The following TRPM7 variants were observed in gnomAD, a reference collection of about 807,000 sequenced individuals.
TRPM7 encodes transient receptor potential cation channel subfamily M member 7.
Under a neutral mutation model 229.7 loss-of-function variants are expected in TRPM7, and 134 were observed. That is an observed-to-expected ratio of 0.58 (90% CI 0.51 to 0.67). The LOEUF is 0.67. Ranked by LOEUF, TRPM7 falls within the 30% of genes least tolerant of loss-of-function variation. TRPM7 has a pLI of 0.00. For missense variants in TRPM7, 1,901 were observed against 2,210.0 expected (o/e 0.86, Z 2.80); for synonymous variants, 699 against 715.2 (o/e 0.98, Z 0.36).
rs765054880 is a variant in TRPM7, at chr15:50,635,664, CAAAAAAAAAA to C, written c.833-1118_833-1109del. The stretch of plus-strand genomic sequence containing the variant: ...AGCAACAGAGCAAGACTCCATCTCC[CAAAAAAAAAA>C]AAAAAAAAAAAAAAAAAGAGGACGG... On this transcript the variant is annotated intron_variant, in intron 7 of 38. Coordinates refer to ENST00000646667, the MANE Select transcript of TRPM7 (RefSeq NM_017672.6). 4.9e-4 allele frequency among the ~76,000 whole-genome samples: 28 copies of C among 56,580 alleles called. 1 individual carries two copies. The highest frequency in any genetic ancestry group is 1.2e-3 in the African/African-American group (23 of 18,966). 37.1% of individuals were successfully genotyped at this position (56,580 alleles called of 152,430 possible).
At chr15:50,682,996 C>T (rs1596358968) in intron 1 of TRPM7, among the ~76,000 whole-genome samples, 1 of 151,884 alleles carries the variant, frequency 6.6e-6, no homozygotes, top group African/African-American at 2.4e-5. Context: ...CATCCTCCCA[C>T]CTCAGCCTCC....
At chr15:50,573,642 T>C (rs763410819) in intron 36 of TRPM7, among the ~76,000 whole-genome samples, 21 of 152,186 alleles carry the variant, frequency 1.4e-4, no homozygotes, top group Non-Finnish European at 2.8e-4. Context: ...CCAGGAACAA[T>C]AGAGGTATTT....
At chr15:50,581,474 A>C (rs879261541) in intron 29 of TRPM7, among the ~76,000 whole-genome samples, 2 of 151,250 alleles carry the variant, frequency 1.3e-5, no homozygotes, top group Non-Finnish European at 2.9e-5. Context: ...ACTCCAGCCT[A>C]GGCGACAGAG....
chr15:50,681,995 T>C (rs2062248490), intron 1 of TRPM7, among the ~76,000 whole-genome samples: 2 of 151,920 alleles, frequency 1.3e-5, no homozygotes. Flanking sequence ...CTGGCCAACA[T>C]GGGGAAACCC....
At chr15:50,677,881 AT>A (rs1474000916) in intron 1 of TRPM7, among the ~76,000 whole-genome samples, 1 of 152,086 alleles carries the variant, frequency 6.6e-6, no homozygotes, top group African/African-American at 2.4e-5. Flanking sequence ...CGGTAATCAA[AT>A]TAAAAGAAAT....
At chr15:50,627,053 A>C (rs1484277707) in intron 11 of TRPM7, among the ~76,000 whole-genome samples, 1 of 152,166 alleles carries the variant, frequency 6.6e-6, no homozygotes, top group Non-Finnish European at 1.5e-5. Context: ...GTCCTCCGTA[A>C]AGGCTGGTAA....
At chr15:50,663,123 A>G (rs556506052) in intron 1 of TRPM7, 77 bp from the exon 2 acceptor site, 96 of 1,128,350 alleles carry the variant, frequency 8.5e-5, no homozygotes, top group South Asian at 3.1e-4. Flanking sequence ...TGATAAACAC[A>G]TAAACAGTTC....
At position 50,557,954 on chromosome 15, in the gene TRPM7, C is replaced by T. The variant is rs2053191206; in HGVS notation, c.*3724G>A. On this transcript the variant is annotated 3_prime_UTR_variant, in exon 39 of 39. Coordinates refer to ENST00000646667, the MANE Select transcript of TRPM7 (RefSeq NM_017672.6). Reference sequence around the variant, plus strand: ...CCACTGCACCTGGCCGAGAATTCCACATTTTAAGAATATGGTAAAAGAGTT... The same window carrying T: ...CCACTGCACCTGGCCGAGAATTCCATATTTTAAGAATATGGTAAAAGAGTT... 1 of 152,112 alleles carries T rather than the reference C, an allele frequency of 6.6e-6. No homozygotes were observed. The highest frequency in any genetic ancestry group is 2.4e-5 in the African/African-American group (1 of 41,434). 9.4% of individuals were successfully genotyped at this position (152,112 alleles called of 1,614,324 possible).
intron 27 of TRPM7, 124 bp downstream of exon 27, chr15:50,589,468 A>G (rs1399299686): frequency 1.6e-6 from 1 of 633,814 alleles, no homozygotes; most frequent in Non-Finnish European, 2.7e-6. Flanking sequence ...ATTTGGTATC[A>G]GCATGTTAAT....
chr15:50,564,022 G>A (rs2053450081), intron 38 of TRPM7, among the ~76,000 whole-genome samples: 2 of 151,908 alleles, frequency 1.3e-5, no homozygotes, highest in African/African-American at 4.8e-5. Context: ...CACCACACAT[G>A]GCCAATTTTT....
Position 50,592,544 on chromosome 15 carries a change from G to C in TRPM7, c.3691C>G (p.Gln1231Glu). The C allele has an allele frequency of 1.9e-6, 3 of 1,612,786 alleles. No homozygotes were observed. The highest frequency in any genetic ancestry group is 2.5e-6 in the Non-Finnish European group (3 of 1,179,990). ...GAAAGATCTTGCAAATGGCCAATTT[G>C]AGAATCTAATGATTGTAATGATCTT... ...IKRSLQSLDS[Q>E]IGHLQDLSAL... Residue 1231 changes from glutamine (Q) to glutamate (E), a missense_variant, in exon 26 of 39, where the codon CAA becomes GAA. Gln to Glu is a conservative substitution (Grantham distance 29). Coordinates refer to ENST00000646667, the MANE Select transcript of TRPM7 (RefSeq NM_017672.6).
intron 28 of TRPM7, among the ~76,000 whole-genome samples, chr15:50,584,058 T>TA (rs1393455967): frequency 6.6e-6 from 1 of 152,226 alleles, no homozygotes; most frequent in Non-Finnish European, 1.5e-5. Context: ...CAATTTATGA[T>TA]AATACCTTTG....
At chr15:50,641,496 T>G (rs891704626) in intron 5 of TRPM7, among the ~76,000 whole-genome samples, 1 of 152,200 alleles carries the variant, frequency 6.6e-6, no homozygotes, top group Non-Finnish European at 1.5e-5. Flanking sequence ...TGTAACAAAA[T>G]AGCAGCCCTT....
At chr15:50,613,156 G>A (rs1343649090) in intron 15 of TRPM7, among the ~76,000 whole-genome samples, 1 of 152,128 alleles carries the variant, frequency 6.6e-6, no homozygotes, top group African/African-American at 2.4e-5. Context: ...GGAATGAAAG[G>A]AGTCAGGTAA....
At chr15:50,668,992 G>A (rs1049315952) in intron 1 of TRPM7, among the ~76,000 whole-genome samples, 2 of 152,130 alleles carry the variant, frequency 1.3e-5, no homozygotes, top group African/African-American at 4.8e-5. Flanking sequence ...TCTTGTCTAC[G>A]CAGTCCCTGT....
chr15:50,638,200 A>G lies in TRPM7; in HGVS notation c.661-607T>C, dbSNP rs941528035. ...CGGTGAAACCCCGTCTCTACTAAAAATACAAAAAATTAGCCGGGCGTGGTA... is the reference window on the plus strand; with the variant it reads ...CGGTGAAACCCCGTCTCTACTAAAAGTACAAAAAATTAGCCGGGCGTGGTA... On this transcript the variant is annotated intron_variant, in intron 6 of 38. Coordinates refer to ENST00000646667, the MANE Select transcript of TRPM7 (RefSeq NM_017672.6). 5.3e-5 allele frequency among the ~76,000 whole-genome samples: 8 copies of G among 151,160 alleles called. 1 individual carries two copies. The highest frequency in any genetic ancestry group is 8.8e-5 in the Non-Finnish European group (6 of 67,828).
chr15:50,583,260 A>G (rs1191192594), intron 28 of TRPM7, 101 bp from the exon 29 acceptor site: 3 of 688,656 alleles, frequency 4.4e-6, no homozygotes, highest in Non-Finnish European at 7.0e-6. Context: ...TAACCTTCAT[A>G]AGATAACTCA....
At chr15:50,679,530 ATATATATATT>A (rs1483760301) in intron 1 of TRPM7, among the ~76,000 whole-genome samples, 4 of 44,842 alleles carry the variant, frequency 8.9e-5, no homozygotes, top group Admixed American at 2.1e-4. Flanking sequence ...ATATATATAT[ATATATATATT>A]TTTTTTTTTT....
In TRPM7 at chr15:50,592,515, G is replaced by C. The variant is rs760996403; in HGVS notation, c.3720C>G (p.Ala1240=). The change falls in exon 26 of 39, where the codon GCC becomes GCG. Residue 1240 remains alanine (A), a synonymous_variant. Transcript: ENST00000646667. ...SQIGHLQDLS[A]LTVDTLKTLT... is the part of the protein sequence containing the mutation. ...GTGTTTTTAATGTATCTACCGTCAG[G>C]GCTGAAAGATCTTGCAAATGGCCAA... The C allele has an allele frequency of 1.2e-6, 2 of 1,613,878 alleles. No homozygotes were observed. Among genetic ancestry groups the C allele is most frequent in the Admixed American group, 1.7e-5 (1 of 60,002 alleles).
Sources: allele counts gnomAD v4.1 joint callset (sites outside exome capture counted in the v4.1 genomes callset), GRCh38; gene constraint gnomAD v4.1.1; transcripts MANE v1.5; gene names NCBI Gene and HGNC (gene_info 2026-07-23, HGNC 2026-07-21).